The following EDA variants were observed in gnomAD, a reference collection of about 807,000 sequenced individuals.
EDA encodes the protein ectodysplasin-A.
EDA carries 2 observed loss-of-function variants against 23.6 expected under a neutral mutation model. The observed-to-expected ratio is 0.08, with a 90% CI of 0.03 to 0.27. EDA has a LOEUF of 0.27. EDA is among the 10% of genes least tolerant of loss of function. The probability of loss-of-function intolerance (pLI) is 1.00; values close to 1 mark genes in which losing one functional copy is unlikely to be tolerated. For synonymous variants in EDA, 131 were observed against 132.0 expected, an observed-to-expected ratio of 0.99 and a Z score of 0.05; for missense variants, 229 against 324.2, an observed-to-expected ratio of 0.71 and a Z score of 2.26.
chrX:69,870,666 T>C (rs2017552243), intron 1 of EDA, among the ~76,000 whole-genome samples: 1 of 111,599 alleles, frequency 9.0e-6, no homozygotes, highest in Non-Finnish European at 1.9e-5. Flanking sequence ...GCAAACTCAG[T>C]GTGCCCAGCT....
intron 1 of EDA, among the ~76,000 whole-genome samples, chrX:69,843,979 G>A (rs758817133): frequency 2.5e-4 from 23 of 91,549 alleles, no homozygotes; most frequent in African/African-American, 8.0e-4. Context: ...CCGAGATCGC[G>A]CCACTGCACT....
intron 2 of EDA, among the ~76,000 whole-genome samples, chrX:70,018,815 AC>A (rs1453852611): frequency 1.8e-5 from 2 of 112,224 alleles, no homozygotes; most frequent in African/African-American, 6.5e-5. Flanking sequence ...AGCAATTGCA[AC>A]AAAAACAAAA....
intron 1 of EDA, among the ~76,000 whole-genome samples, chrX:69,844,143 C>T (rs1464311680): frequency 3.6e-5 from 4 of 110,814 alleles, no homozygotes; most frequent in South Asian, 3.8e-4. Flanking sequence ...TAGACTACAG[C>T]GAATTTTTAA....
chrX:70,023,907 C>T (rs1188405689), intron 3 of EDA, among the ~76,000 whole-genome samples: 2 of 111,567 alleles, frequency 1.8e-5, no homozygotes, highest in Non-Finnish European at 3.8e-5. Flanking sequence ...TCCATTGTGC[C>T]GTTGTTGGGT....
intron 1 of EDA, among the ~76,000 whole-genome samples, chrX:69,864,124 C>A (rs1419999012): frequency 9.0e-6 from 1 of 111,143 alleles, no homozygotes; most frequent in East Asian, 2.8e-4. Flanking sequence ...TTACATACAG[C>A]AAATGTTGCC....
At chrX:69,982,060 G>C (rs984070299) in intron 2 of EDA, among the ~76,000 whole-genome samples, 1 of 111,367 alleles carries the variant, frequency 9.0e-6, no homozygotes, top group Admixed American at 9.6e-5. Context: ...GACTTGTCAA[G>C]TGGAGACATG....
intron 1 of EDA, among the ~76,000 whole-genome samples, chrX:69,812,734 G>A (rs1484343281): frequency 1.8e-5 from 2 of 111,395 alleles, no homozygotes; most frequent in Non-Finnish European, 3.8e-5. Context: ...GGAATAAATG[G>A]AGAACAACCA....
intron 1 of EDA, among the ~76,000 whole-genome samples, chrX:69,679,797 G>C (rs1934261831): frequency 9.1e-6 from 1 of 110,154 alleles, no homozygotes; most frequent in Admixed American, 9.7e-5. Context: ...ATTTTTTGAA[G>C]GGTTTTTTGT....
chrX:69,770,427 T>C (rs1229872090), intron 1 of EDA, among the ~76,000 whole-genome samples: 2 of 112,104 alleles, frequency 1.8e-5, no homozygotes, highest in East Asian at 5.6e-4. Flanking sequence ...ATTTTAATCA[T>C]ACAGATAGGT....
At chrX:69,913,758 C>T (rs948849718) in intron 1 of EDA, among the ~76,000 whole-genome samples, 6 of 111,726 alleles carry the variant, frequency 5.4e-5, no homozygotes, top group African/African-American at 1.3e-4. Context: ...CTAAACTTAA[C>T]GATTTCTAGC....
intron 1 of EDA, among the ~76,000 whole-genome samples, chrX:69,947,257 G>A (rs757662699): frequency 3.6e-5 from 4 of 112,411 alleles, no homozygotes; most frequent in Non-Finnish European, 5.6e-5. Flanking sequence ...CTCATGGGGA[G>A]CAAAGACTAA....
At chrX:69,696,243 A>T (rs976318241) in intron 1 of EDA, among the ~76,000 whole-genome samples, 2 of 110,920 alleles carry the variant, frequency 1.8e-5, no homozygotes, top group Middle Eastern at 4.2e-3. Flanking sequence ...CTGTCTCAAA[A>T]AAAAAAAAAC....
intron 1 of EDA, among the ~76,000 whole-genome samples, chrX:69,760,197 C>CAAAAAAAAA (rs1162014486): frequency 2.4e-4 from 11 of 46,515 alleles, no homozygotes; most frequent in East Asian, 7.8e-4. Context: ...CTCTTTTGTA[C>CAAAAAAAAA]AAAAAAAAAA....
intron 1 of EDA, among the ~76,000 whole-genome samples, chrX:69,844,690 C>A (rs1203724641): frequency 8.9e-6 from 1 of 112,597 alleles, no homozygotes; most frequent in Non-Finnish European, 1.9e-5. Flanking sequence ...TTTCTCTCTG[C>A]AGACATTTGT....
intron 1 of EDA, among the ~76,000 whole-genome samples, chrX:69,706,311 C>A (rs2011719824): frequency 1.8e-5 from 2 of 111,912 alleles, no homozygotes; most frequent in African/African-American, 6.5e-5. Flanking sequence ...AAGAAGCAGG[C>A]CACCTTTATC....
intron 1 of EDA, among the ~76,000 whole-genome samples, chrX:69,851,420 A>G (rs1028150678): frequency 4.4e-5 from 5 of 112,540 alleles, no homozygotes; most frequent in African/African-American, 1.3e-4. Context: ...TTGAAAGAGC[A>G]ATGAAATAAA....
chrX:70,023,313 T>A, intron 3 of EDA, 72 bp downstream of exon 3: 1 of 699,747 alleles, frequency 1.4e-6, no homozygotes, highest in Non-Finnish European at 2.2e-6. Flanking sequence ...AAATCAAGAG[T>A]GCGATTTTTG....
chrX:69,841,168 AAAAT>A (rs1044442968), intron 1 of EDA, among the ~76,000 whole-genome samples: 2 of 112,279 alleles, frequency 1.8e-5, no homozygotes, highest in African/African-American at 3.2e-5. Context: ...CTTCATAATA[AAAAT>A]AAATAATGTA....
intron 1 of EDA, among the ~76,000 whole-genome samples, chrX:69,719,511 C>A (rs770291546): frequency 9.0e-6 from 1 of 110,572 alleles, no homozygotes; most frequent in Admixed American, 9.7e-5. Flanking sequence ...TCACCCTCCC[C>A]ACTTCTGAGT....
Sources: gnomAD v4.1 joint callset for allele counts (sites outside exome capture counted in the v4.1 genomes callset) on GRCh38, gnomAD v4.1.1 for gene constraint, MANE v1.5 for transcripts, NCBI Gene and HGNC (gene_info 2026-07-23, HGNC 2026-07-21) for gene names.